The following ABCB4 variants were observed in gnomAD, a reference collection of about 807,000 sequenced individuals.
The protein encoded by ABCB4 is phosphatidylcholine translocator ABCB4.
Under a neutral mutation model 145.7 loss-of-function variants are expected in ABCB4, and 76 were observed. That is an observed-to-expected ratio of 0.52 (90% CI 0.43 to 0.63). The LOEUF (loss-of-function observed/expected upper bound fraction) is 0.63, where lower values mean the gene tolerates loss of function less well. Among genes scored for constraint, ABCB4 ranks in the 30% least tolerant of loss-of-function variants. The probability of loss-of-function intolerance (pLI) is 0.00; values close to 1 mark genes in which losing one functional copy is unlikely to be tolerated. For missense variants in ABCB4, 1,234 were observed against 1,553.1 expected (o/e 0.79, Z 3.45); for synonymous variants, 517 against 566.8 (o/e 0.91, Z 1.25).
chr7:87,438,219 A>G (rs2116671019), intron 14 of ABCB4, among the ~76,000 whole-genome samples: 1 of 152,324 alleles, frequency 6.6e-6, no homozygotes, highest in Admixed American at 6.5e-5. Flanking sequence ...GTCTATGCCA[A>G]TACATGAATG....
chr7:87,390,759 A>G, the ABCB4 span, among the ~76,000 whole-genome samples: 1 of 152,224 alleles, frequency 6.6e-6, no homozygotes, highest in Non-Finnish European at 1.5e-5. Context: ...CATGTTCTAT[A>G]TGGAGGCACT....
intron 4 of ABCB4, among the ~76,000 whole-genome samples, chr7:87,460,485 T>A (rs1812379294): frequency 6.6e-6 from 1 of 152,124 alleles, no homozygotes; most frequent in Admixed American, 6.6e-5. Context: ...TTCTCATCTT[T>A]ATGTCAATGT....
chr7:87,366,639 CTT>C, the ABCB4 span, among the ~76,000 whole-genome samples: 3 of 152,212 alleles, frequency 2.0e-5, no homozygotes, highest in Admixed American at 6.5e-5. Context: ...CTACTGCTCT[CTT>C]CATGGCTCCA....
rs7788404 is a variant in ABCB4 at position 87,418,497 on chromosome 7, T to C, written c.2478+40A>G. On this transcript the variant is annotated intron_variant, in intron 20 of 27. Transcript: ENST00000649586. ...TATGCTACATGCTTATCTAAAACCA[T>C]GTTATGTAAAAAACTACAAGTAGAG... 0.084 allele frequency: 132,643 copies of C among 1,575,716 alleles called. 6,545 individuals carry two copies. The highest frequency in any genetic ancestry group is 0.18 in the African/African-American group (13,580 of 74,174).
the ABCB4 span, among the ~76,000 whole-genome samples, chr7:87,383,129 CTCT>C: frequency 6.6e-6 from 1 of 152,126 alleles, no homozygotes; most frequent in Admixed American, 6.6e-5. Context: ...TCCAAGTCTT[CTCT>C]TCTTGGTATT....
chr7:87,442,993 T>C (rs1290602230), intron 12 of ABCB4, among the ~76,000 whole-genome samples: 2 of 152,186 alleles, frequency 1.3e-5, no homozygotes, highest in Non-Finnish European at 2.9e-5. Flanking sequence ...ACAATTGCTA[T>C]ATGGAGTATG....
intron 14 of ABCB4, among the ~76,000 whole-genome samples, chr7:87,436,321 A>G (rs1485568002): frequency 6.6e-6 from 1 of 150,478 alleles, no homozygotes; most frequent in East Asian, 2.0e-4. Context: ...ACTTTCAGCT[A>G]CAAAAAAAAA....
chr7:87,409,903 T>C (rs1375740050), intron 23 of ABCB4, among the ~76,000 whole-genome samples: 1 of 152,154 alleles, frequency 6.6e-6, no homozygotes, highest in Non-Finnish European at 1.5e-5. Flanking sequence ...TAATTTTTAT[T>C]AGGGAAAATA....
intron 22 of ABCB4, among the ~76,000 whole-genome samples, chr7:87,412,550 G>A (rs1024646309): frequency 7.2e-5 from 11 of 152,154 alleles, no homozygotes; most frequent in Non-Finnish European, 1.5e-4. Flanking sequence ...CCTGCCAGCC[G>A]CCCCTGTATA....
the ABCB4 span, chr7:87,377,504 CA>C: frequency 8.8e-6 from 9 of 1,018,844 alleles, no homozygotes; most frequent in Non-Finnish European, 1.4e-5. Context: ...AAATTAATGA[CA>C]ATAAACCATA....
the ABCB4 span, among the ~76,000 whole-genome samples, chr7:87,375,063 G>A: frequency 6.6e-6 from 1 of 152,124 alleles, no homozygotes; most frequent in East Asian, 1.9e-4. Context: ...TGGAGGGGGA[G>A]TAGTTTATCC....
In ABCB4 at chr7:87,449,972, C is replaced by T. The variant is rs1421283621; in HGVS notation, c.829G>A (p.Glu277Lys). 5 of 1,614,158 alleles carry T rather than the reference C, an allele frequency of 3.1e-6. No homozygotes were observed. Among genetic ancestry groups the T allele is most frequent in the Non-Finnish European group, 4.2e-6 (5 of 1,180,006 alleles). ...TGGCTAAAGAACCTTCCTGACCTTT[C>T]CAGCTCTTTGTTCTGGCCCCCGAAA... ...IAFGGQNKEL[E>K]RYQKHLENAK... Residue 277 changes from glutamate to lysine, a missense_variant, in exon 8 of 28, where the codon GAA becomes AAA. Physicochemically the swap from Glu to Lys is moderately conservative, Grantham distance 56. Coordinates refer to ENST00000649586, the MANE Select transcript of ABCB4 (RefSeq NM_000443.4).
chr7:87,470,489 A>G (rs1281593148), intron 3 of ABCB4, among the ~76,000 whole-genome samples: 5 of 152,224 alleles, frequency 3.3e-5, no homozygotes, highest in Admixed American at 6.5e-5. Context: ...AAGGGCTAGT[A>G]TCCAGAATCT....
the ABCB4 span, among the ~76,000 whole-genome samples, chr7:87,389,436 T>C: frequency 0.02 from 2,973 of 152,250 alleles, 101 homozygotes; most frequent in African/African-American, 0.067. Flanking sequence ...TGGAATACTA[T>C]GCAGCCATAA....
At chr7:87,368,515 G>C in the ABCB4 span, among the ~76,000 whole-genome samples, 1 of 151,990 alleles carries the variant, frequency 6.6e-6, no homozygotes, top group South Asian at 2.1e-4. Flanking sequence ...GAGGAAATAA[G>C]GTATAAGAGA....
chr7:87,447,711 C>T (rs1811441872), intron 8 of ABCB4, among the ~76,000 whole-genome samples: 1 of 152,206 alleles, frequency 6.6e-6, no homozygotes, highest in Non-Finnish European at 1.5e-5. Context: ...TGTACATAAA[C>T]ATAGGCTTCT....
intron 13 of ABCB4, 107 bp downstream of exon 13, chr7:87,440,092 G>T: frequency 7.6e-7 from 1 of 1,323,180 alleles, no homozygotes; most frequent in Non-Finnish European, 1.1e-6. Context: ...AGCAAAGTTG[G>T]ACAATCTTGC....
At chr7:87,421,383 C>T (rs1020115038) in intron 18 of ABCB4, among the ~76,000 whole-genome samples, 1 of 152,136 alleles carries the variant, frequency 6.6e-6, no homozygotes, top group Admixed American at 6.5e-5. Context: ...GTTCCTGCGG[C>T]CCCTGAAACA....
chr7:87,395,701 T>C, the ABCB4 span, among the ~76,000 whole-genome samples: 1 of 152,318 alleles, frequency 6.6e-6, no homozygotes, highest in African/African-American at 2.4e-5. Context: ...AGGAAGTACC[T>C]AGCCTTTTAA....
Sources: gnomAD v4.1 joint callset for allele counts (sites outside exome capture counted in the v4.1 genomes callset) on GRCh38, gnomAD v4.1.1 for gene constraint, MANE v1.5 for transcripts, NCBI Gene and HGNC (gene_info 2026-07-23, HGNC 2026-07-21) for gene names.